Variants in SRGAP1 observed in about 807,000 individuals in gnomAD.
The protein encoded by SRGAP1 is SLIT-ROBO Rho GTPase activating protein 1.
In SRGAP1, 43 loss-of-function variants were observed where a neutral mutation model predicts 121.9. That is an observed-to-expected ratio of 0.35 (90% CI 0.28 to 0.46). The LOEUF is 0.46. SRGAP1 is among the 20% of genes least tolerant of loss of function. The pLI, the probability that SRGAP1 is intolerant of heterozygous loss-of-function variation, is 1.00. For missense variants in SRGAP1, 1,102 were observed against 1,350.9 expected (o/e 0.82, Z 2.89); for synonymous variants, 447 against 485.4 (o/e 0.92, Z 1.04).
At chr12:63,946,545 T>C (rs1016866703) in intron 1 of SRGAP1, among the ~76,000 whole-genome samples, 3 of 148,718 alleles carry the variant, frequency 2.0e-5, no homozygotes, top group African/African-American at 4.9e-5. Context: ...TGTATTCTTT[T>C]TTTTTTTTTT....
rs767827216 is a variant in SRGAP1 at position 64,125,980 on chromosome 12, G to A, written c.2228G>A (p.Cys743Tyr). The A allele has an allele frequency of 6.2e-7, 1 of 1,613,820 alleles. No homozygotes were observed. The highest frequency in any genetic ancestry group is 8.5e-7 in the Non-Finnish European group (1 of 1,179,796). Reference sequence around the variant, plus strand: ...TTTTCTGGTGTGTTCGTTGTAGAATGTGAGCCAATAGAAGCAATAGCCAAG... The same window carrying A: ...TTTTCTGGTGTGTTCGTTGTAGAATATGAGCCAATAGAAGCAATAGCCAAG... ...GTEPHTSEDE[C>Y]EPIEAIAKFD... is the part of the protein sequence containing the mutation. The change falls in exon 19 of 22, where the codon TGT becomes TAT. Residue 743 changes from cysteine (C) to tyrosine (Y), a missense_variant. Coordinates refer to ENST00000355086, the MANE Select transcript of SRGAP1 (RefSeq NM_020762.4).
intron 1 of SRGAP1, among the ~76,000 whole-genome samples, chr12:63,893,071 C>G (rs1900640689): frequency 6.6e-6 from 1 of 152,110 alleles, no homozygotes; most frequent in South Asian, 2.1e-4. Context: ...TGCGACATAT[C>G]TAAGCTATTG....
At chr12:63,967,519 A>G (rs2032823511) in intron 1 of SRGAP1, among the ~76,000 whole-genome samples, 1 of 152,224 alleles carries the variant, frequency 6.6e-6, no homozygotes, top group African/African-American at 2.4e-5. Flanking sequence ...TTGTTGAACC[A>G]GTGGACGAGT....
At chr12:63,913,191 C>A (rs1378229110) in intron 1 of SRGAP1, among the ~76,000 whole-genome samples, 18 of 111,810 alleles carry the variant, frequency 1.6e-4, no homozygotes, top group Non-Finnish European at 7.2e-5. Flanking sequence ...CTGGTAAATC[C>A]TTCTTTTTTT....
intron 3 of SRGAP1, among the ~76,000 whole-genome samples, chr12:63,992,530 T>C (rs1440793103): frequency 6.6e-6 from 1 of 152,046 alleles, no homozygotes; most frequent in Non-Finnish European, 1.5e-5. Context: ...GTGAGGCAGC[T>C]CCCTTTGGTG....
At chr12:63,930,310 G>A (rs1372531944) in intron 1 of SRGAP1, among the ~76,000 whole-genome samples, 11 of 139,920 alleles carry the variant, frequency 7.9e-5, no homozygotes, top group Non-Finnish European at 1.5e-4. Context: ...GGCCAACATG[G>A]TGAAACATCG....
At chr12:63,963,763 C>G (rs920653970) in intron 1 of SRGAP1, among the ~76,000 whole-genome samples, 1 of 149,246 alleles carries the variant, frequency 6.7e-6, no homozygotes, top group South Asian at 2.2e-4. Flanking sequence ...TTTTTAAGCT[C>G]CCTCATGAGT....
chr12:64,141,356 C>T (rs777918873), intron 21 of SRGAP1, among the ~76,000 whole-genome samples: 4 of 150,998 alleles, frequency 2.6e-5, no homozygotes, highest in East Asian at 3.9e-4. Context: ...CCAAGGCAGG[C>T]GGATCATGAG....
chr12:63,886,902 C>G (rs1211313943), intron 1 of SRGAP1, among the ~76,000 whole-genome samples: 1 of 152,110 alleles, frequency 6.6e-6, no homozygotes, highest in East Asian at 1.9e-4. Context: ...GAGATGGAGT[C>G]TCGCTCTGTC....
At chr12:63,966,356 T>C (rs1252312826) in intron 1 of SRGAP1, among the ~76,000 whole-genome samples, 1 of 152,200 alleles carries the variant, frequency 6.6e-6, no homozygotes, top group African/African-American at 2.4e-5. Flanking sequence ...ATGAGATTGA[T>C]TTCAGTTGAG....
intron 1 of SRGAP1, among the ~76,000 whole-genome samples, chr12:63,909,017 A>G (rs377125188): frequency 4.6e-5 from 7 of 151,728 alleles, no homozygotes; most frequent in African/African-American, 9.7e-5. Flanking sequence ...CAGCCTCCCA[A>G]TAGCTGGGAG....
At chr12:63,935,733 G>T (rs7957857) in intron 1 of SRGAP1, among the ~76,000 whole-genome samples, 1 of 152,132 alleles carries the variant, frequency 6.6e-6, no homozygotes, top group Non-Finnish European at 1.5e-5. Flanking sequence ...TTATGATGTT[G>T]TTATATTAAC....
chr12:63,999,675 C>T (rs542587775), intron 3 of SRGAP1, among the ~76,000 whole-genome samples: 5 of 152,116 alleles, frequency 3.3e-5, no homozygotes, highest in South Asian at 2.1e-4. Context: ...GTGATGGGAA[C>T]GGGATTATGG....
chr12:64,084,448 G>T (rs968562058), intron 10 of SRGAP1, among the ~76,000 whole-genome samples: 1 of 152,048 alleles, frequency 6.6e-6, no homozygotes, highest in Non-Finnish European at 1.5e-5. Flanking sequence ...CATTTCTCTG[G>T]GAAGAAGAGT....
At chr12:63,984,627 T>C (rs2033363194) in intron 2 of SRGAP1, among the ~76,000 whole-genome samples, 1 of 152,242 alleles carries the variant, frequency 6.6e-6, no homozygotes, top group Admixed American at 6.5e-5. Context: ...AGGAAAATGC[T>C]ATGAATGAGC....
intron 3 of SRGAP1, among the ~76,000 whole-genome samples, chr12:63,994,462 C>T (rs1480040993): frequency 6.6e-6 from 1 of 152,154 alleles, no homozygotes; most frequent in Non-Finnish European, 1.5e-5. Context: ...TTTGTCCTCA[C>T]CTTTGAACAT....
chr12:64,121,053 G>T (rs1315536584), intron 18 of SRGAP1, among the ~76,000 whole-genome samples: 2 of 133,640 alleles, frequency 1.5e-5, no homozygotes, highest in Non-Finnish European at 1.6e-5. Context: ...CCACTCTGTT[G>T]CCCAGGCTGG....
intron 1 of SRGAP1, among the ~76,000 whole-genome samples, chr12:63,936,662 A>AACTAGTTTC (rs1401837862): frequency 6.6e-6 from 1 of 152,144 alleles, no homozygotes; most frequent in Non-Finnish European, 1.5e-5. Flanking sequence ...TGTGTAGGTG[A>AACTAGTTTC]ACTAGTTTCT....
chr12:63,895,164 G>A (rs183343587), intron 1 of SRGAP1, among the ~76,000 whole-genome samples: 3 of 152,144 alleles, frequency 2.0e-5, no homozygotes, highest in African/African-American at 2.4e-5. Context: ...TTTTATGATC[G>A]CCATATTTTT....
Sources: gnomAD v4.1 joint callset for allele counts (sites outside exome capture counted in the v4.1 genomes callset) on GRCh38, gnomAD v4.1.1 for gene constraint, MANE v1.5 for transcripts, NCBI Gene and HGNC (gene_info 2026-07-23, HGNC 2026-07-21) for gene names.